Variants in KATNBL1 observed in about 807,000 individuals in gnomAD.
The protein encoded by KATNBL1 is KATNB1-like protein 1.
In KATNBL1, 28 loss-of-function variants were observed where a neutral mutation model predicts 44.7. The observed-to-expected ratio is 0.63, with a 90% CI of 0.46 to 0.86. The LOEUF (loss-of-function observed/expected upper bound fraction) is 0.86. Ranked by LOEUF, KATNBL1 falls within the 40% of genes least tolerant of loss-of-function variation. The pLI is 0.00. For missense variants in KATNBL1, 272 were observed against 350.7 expected (o/e 0.78, Z 1.79); for synonymous variants, 78 against 114.9 (o/e 0.68, Z 2.06).
Position 34,143,578 on chromosome 15 carries a change from G to A in KATNBL1, c.883-1207C>T, listed in dbSNP as rs192617651. On this transcript the variant is annotated intron_variant, in intron 9 of 9. Coordinates refer to ENST00000256544, the MANE Select transcript of KATNBL1 (RefSeq NM_024713.3). ...ACAACCCTTTAGAGCAAGGTAATAC[G>A]TCATGTATGCTCTAAAAACCTAAAA... 5.6e-4 allele frequency among the ~76,000 whole-genome samples: 85 copies of A among 151,678 alleles called. 1 individual carries two copies. The highest frequency in any genetic ancestry group is 5.1e-3 in the Admixed American group (78 of 15,230).
At chr15:34,180,395 G>A (rs754202300) in intron 1 of KATNBL1, among the ~76,000 whole-genome samples, 5 of 151,998 alleles carry the variant, frequency 3.3e-5, no homozygotes, top group African/African-American at 9.7e-5. Context: ...TAGCTCTTTC[G>A]TCACTTCAGG....
At position 34,195,508 on chromosome 15, in the gene KATNBL1, T is replaced by C. The variant is rs1890005026; in HGVS notation, c.-15+14443A>G. Among the ~76,000 whole-genome samples the C allele has an allele frequency of 2.0e-5, 3 of 152,088 alleles. No individual in the cohort carries two copies. In the South Asian group the frequency reaches 6.2e-4, roughly 32 times the overall value. On this transcript the variant is annotated intron_variant, in intron 1 of 9. Coordinates refer to ENST00000256544, the MANE Select transcript of KATNBL1 (RefSeq NM_024713.3). ...CGTGTTGCTCTAATGATCCATGTAC[T>C]GAACCTCCTGACTTCACCACATGCA... is the stretch of plus-strand genomic sequence containing the variant.
At chr15:34,155,614 T>C (rs560187358) in intron 2 of KATNBL1, among the ~76,000 whole-genome samples, 1 of 152,280 alleles carries the variant, frequency 6.6e-6, no homozygotes, top group East Asian at 1.9e-4. Context: ...AGGGGCGGTA[T>C]TGTTTGGGAT....
intron 9 of KATNBL1, chr15:34,142,781 G>T: frequency 3.5e-6 from 1 of 285,042 alleles, no homozygotes; most frequent in Non-Finnish European, 6.8e-6. Context: ...GCGTGATCTT[G>T]GCTCTCTGCA....
chr15:34,161,204 A>C (rs1888792865), intron 2 of KATNBL1, among the ~76,000 whole-genome samples: 1 of 152,136 alleles, frequency 6.6e-6, no homozygotes. Context: ...CACTCTTGTG[A>C]CGTTTCTTAC....
chr15:34,178,755 CAAAAAAAAAA>C (rs59061813), intron 1 of KATNBL1, among the ~76,000 whole-genome samples: 3 of 122,680 alleles, frequency 2.4e-5, no homozygotes, highest in African/African-American at 1.0e-4. Flanking sequence ...GACTCTGTCT[CAAAAAAAAAA>C]AAAAAAAAAA....
chr15:34,184,486 A>C (rs1001114020), intron 1 of KATNBL1, among the ~76,000 whole-genome samples: 2 of 133,692 alleles, frequency 1.5e-5, no homozygotes, highest in African/African-American at 5.7e-5. Context: ...ATTCCATCTC[A>C]AAAAAAAAAA....
intron 2 of KATNBL1, among the ~76,000 whole-genome samples, chr15:34,158,354 C>T (rs1888700083): frequency 6.6e-6 from 1 of 152,140 alleles, no homozygotes; most frequent in Non-Finnish European, 1.5e-5. Flanking sequence ...TTATTAATTT[C>T]TCTTTTTCAG....
chr15:34,175,232 GT>G (rs1889294224), intron 1 of KATNBL1, among the ~76,000 whole-genome samples: 1 of 151,794 alleles, frequency 6.6e-6, no homozygotes, highest in Admixed American at 6.6e-5. Context: ...AAGCAGAAGT[GT>G]TTTGGATCTT....
intron 2 of KATNBL1, among the ~76,000 whole-genome samples, chr15:34,161,214 C>A (rs73376191): frequency 0.018 from 2,731 of 152,314 alleles, 87 homozygotes; most frequent in African/African-American, 0.061. Flanking sequence ...ACGTTTCTTA[C>A]CTTGGTCTAT....
At chr15:34,195,362 A>G (rs997831533) in intron 1 of KATNBL1, among the ~76,000 whole-genome samples, 1 of 152,236 alleles carries the variant, frequency 6.6e-6, no homozygotes, top group Admixed American at 6.5e-5. Flanking sequence ...CAAATACTGC[A>G]TGTCCTCACT....
At chr15:34,160,400 A>C (rs1315475751) in intron 2 of KATNBL1, among the ~76,000 whole-genome samples, 2 of 152,126 alleles carry the variant, frequency 1.3e-5, no homozygotes, top group African/African-American at 2.4e-5. Context: ...CCAGTTCTCT[A>C]TCTTTTGTAA....
chr15:34,170,438 G>A (rs1297577511), intron 1 of KATNBL1, among the ~76,000 whole-genome samples: 3 of 152,070 alleles, frequency 2.0e-5, no homozygotes, highest in Non-Finnish European at 4.4e-5. Flanking sequence ...AAATGAAAGA[G>A]GACACAAACA....
chr15:34,197,492 T>C (rs1379936080), intron 1 of KATNBL1, among the ~76,000 whole-genome samples: 2 of 152,238 alleles, frequency 1.3e-5, no homozygotes, highest in Non-Finnish European at 2.9e-5. Flanking sequence ...ATGAGGCAAG[T>C]TGCCTTTGGT....
intron 1 of KATNBL1, among the ~76,000 whole-genome samples, chr15:34,197,681 T>C (rs1425328857): frequency 6.6e-6 from 1 of 152,258 alleles, no homozygotes; most frequent in Non-Finnish European, 1.5e-5. Context: ...GATTGAATCG[T>C]TGTCTTTGGC....
chr15:34,207,016 TCTTG>T (rs1890311598), intron 1 of KATNBL1, among the ~76,000 whole-genome samples: 3 of 149,054 alleles, frequency 2.0e-5, no homozygotes, highest in African/African-American at 7.7e-5. Context: ...TTATGATGCA[TCTTG>T]TTGTTACTAG....
chr15:34,177,175 G>C (rs1214132109), intron 1 of KATNBL1, among the ~76,000 whole-genome samples: 1 of 152,146 alleles, frequency 6.6e-6, no homozygotes, highest in African/African-American at 2.4e-5. Context: ...TTTTCTTAAA[G>C]ACAATACAGT....
intron 3 of KATNBL1, among the ~76,000 whole-genome samples, chr15:34,154,429 G>A (rs1177329061): frequency 6.6e-6 from 1 of 152,154 alleles, no homozygotes; most frequent in Non-Finnish European, 1.5e-5. Flanking sequence ...AACTGTTAGG[G>A]TTAATGTTAT....
chr15:34,163,077 CTT>C (rs766014188), intron 2 of KATNBL1, among the ~76,000 whole-genome samples: 1 of 140,876 alleles, frequency 7.1e-6, no homozygotes. Context: ...GAGTTTTGCT[CTT>C]GTCACCCAGG....
Sources: gnomAD v4.1 joint callset for allele counts (sites outside exome capture counted in the v4.1 genomes callset) on GRCh38, gnomAD v4.1.1 for gene constraint, MANE v1.5 for transcripts, NCBI Gene and HGNC (gene_info 2026-07-23, HGNC 2026-07-21) for gene names.